Variants in MGA observed in about 807,000 individuals in gnomAD.
The protein encoded by MGA is MAX gene-associated protein.
MGA carries 40 observed loss-of-function variants against 261.1 expected under a neutral mutation model. The ratio of observed to expected loss-of-function variants is 0.15; its 90% CI spans 0.12 to 0.20. The LOEUF is 0.20. Among genes scored for constraint, MGA ranks in the 10% least tolerant of loss-of-function variants. The probability of loss-of-function intolerance (pLI) is 1.00; values close to 1 mark genes in which losing one functional copy is unlikely to be tolerated. For missense variants in MGA, 3,397 were observed against 3,630.5 expected (o/e 0.94, Z 1.65); for synonymous variants, 1,302 against 1,290.6 (o/e 1.01, Z -0.19).
rs1595822501 is a variant in MGA, at chr15:41,710,870, G to C, written c.2605G>C (p.Asp869His). Residue 869 changes from aspartate (D) to histidine (H), a missense_variant, in exon 8 of 24, where the codon GAT becomes CAT. Physicochemically the swap from Asp to His is moderately conservative, Grantham distance 81 (BLOSUM62 -1). Transcript: ENST00000219905. ...GAGTACCAGTTATGTACGAACACTT[G>C]ATAGTGTACTAAAGAAGCAATCTAC... is the stretch of plus-strand genomic sequence containing the variant. 1.9e-6 allele frequency: 3 copies of C among 1,613,810 alleles called. No individual in the cohort carries two copies. The highest frequency in any genetic ancestry group is 2.5e-6 in the Non-Finnish European group (3 of 1,179,740).
At chr15:41,724,255 A>G (rs2061107397) in intron 9 of MGA, among the ~76,000 whole-genome samples, 1 of 152,194 alleles carries the variant, frequency 6.6e-6, no homozygotes, top group African/African-American at 2.4e-5. Context: ...GCAAGCCTCA[A>G]AAGACATACT....
chr15:41,743,781 A>C (rs572652354), intron 15 of MGA, among the ~76,000 whole-genome samples: 22 of 152,338 alleles, frequency 1.4e-4, no homozygotes, highest in Non-Finnish European at 2.6e-4. Flanking sequence ...CTGGACATGA[A>C]CTGATTGAAA....
At chr15:41,758,890 ATAT>A (rs1024477534) in intron 19 of MGA, among the ~76,000 whole-genome samples, 7 of 152,350 alleles carry the variant, frequency 4.6e-5, no homozygotes, top group Admixed American at 3.9e-4. Flanking sequence ...AGGACAGGAA[ATAT>A]TATTCACTTT....
Position 41,736,529 on chromosome 15 carries a change from C to T in MGA, c.4265C>T (p.Ser1422Phe), listed in dbSNP as rs1242451475. 1 of 1,613,976 alleles carries T rather than the reference C, an allele frequency of 6.2e-7. No individual in the cohort carries two copies. The highest frequency in any genetic ancestry group is 8.5e-7 in the Non-Finnish European group (1 of 1,179,888). ...TCAGAGACTCCTGATGGTCCATTGT[C>T]CCCTGGGAAAATGGAGGATATCTCT... Residue 1422 changes from serine to phenylalanine, a missense_variant, in exon 13 of 24, where the codon TCC (serine) becomes TTC (phenylalanine). Ser to Phe is a radical substitution (Grantham distance 155). Around this residue, in one of 9 missense-constraint regions of MGA, gnomAD observed 1,410 missense variants for 1,386.4 expected, o/e 1.02. Coordinates refer to ENST00000219905, the MANE Select transcript of MGA (RefSeq NM_001164273.2).
At chr15:41,723,796 A>T (rs561082135) in intron 9 of MGA, among the ~76,000 whole-genome samples, 1 of 152,260 alleles carries the variant, frequency 6.6e-6, no homozygotes, top group East Asian at 1.9e-4. Flanking sequence ...TCTCAGTCAA[A>T]TCCTTTTATG....
chr15:41,751,989 CATAAA>C (rs900455276), intron 17 of MGA: 4 of 152,146 alleles, frequency 2.6e-5, no homozygotes, highest in African/African-American at 9.7e-5. Flanking sequence ...GCTTTATGCA[CATAAA>C]ATAAGACAAA....
chr15:41,732,336 C>T (rs1221267806), intron 11 of MGA, among the ~76,000 whole-genome samples: 1 of 151,956 alleles, frequency 6.6e-6, no homozygotes, highest in African/African-American at 2.4e-5. Context: ...TTTTAGTAGA[C>T]ACGGGGTTTC....
chr15:41,637,022 A>T (rs8030179), intron 1 of MGA, among the ~76,000 whole-genome samples: 106,732 of 151,914 alleles, frequency 0.7, 39,830 homozygotes, highest in East Asian at 0.89. Context: ...AATGACAATC[A>T]TATCTTGCTC....
At position 41,713,290 on chromosome 15, in the gene MGA, A is replaced by T; in HGVS notation, c.3224A>T (p.Asp1075Val). 3.1e-6 allele frequency: 5 copies of T among 1,613,976 alleles called. No homozygotes were observed. Among genetic ancestry groups the T allele is most frequent in the Non-Finnish European group, 4.2e-6 (5 of 1,179,888 alleles). Residue 1075 changes from aspartate to valine, a missense_variant, in exon 9 of 24, where the codon GAC becomes GTC. Around this residue, in one of 9 missense-constraint regions of MGA, gnomAD observed 519 missense variants for 554.1 expected, o/e 0.94. Transcript: ENST00000219905. ...CAACCTGCTCACTGCCGCCGACCAG[A>T]CTGCATGTTTGGTTGTACTTGTTTG...
chr15:41,754,234 T>C (rs182267594), intron 17 of MGA, among the ~76,000 whole-genome samples: 12 of 152,324 alleles, frequency 7.9e-5, no homozygotes, highest in Admixed American at 3.9e-4. Context: ...ATATGACTTA[T>C]AGTTCTTGAT....
At chr15:41,642,277 C>T (rs1013836409) in intron 1 of MGA, among the ~76,000 whole-genome samples, 8 of 150,680 alleles carry the variant, frequency 5.3e-5, no homozygotes, top group African/African-American at 1.5e-4. Flanking sequence ...AGTCCCTAGC[C>T]CATTTTTAAT....
chr15:41,730,592 A>G (rs183067896), intron 11 of MGA, among the ~76,000 whole-genome samples: 180 of 152,350 alleles, frequency 1.2e-3, no homozygotes, highest in African/African-American at 4.2e-3. Context: ...TTCAATTTCT[A>G]TGAATTATCA....
At chr15:41,684,448 TTAAC>T in intron 2 of MGA, 1 of 427,794 alleles carries the variant, frequency 2.3e-6, no homozygotes. Flanking sequence ...AGAATGAAAC[TTAAC>T]TGTTTGTGAA....
intron 13 of MGA, among the ~76,000 whole-genome samples, chr15:41,737,834 G>T (rs1238278486): frequency 6.6e-6 from 1 of 152,032 alleles, no homozygotes; most frequent in Non-Finnish European, 1.5e-5. Context: ...AAAAAAGTTA[G>T]CCCGGCGTGG....
rs990525797 is a variant in MGA at position 41,637,969 on chromosome 15, T to G, written c.-68+16671T>G. 1.1e-4 allele frequency among the ~76,000 whole-genome samples: 16 copies of G among 144,534 alleles called. No individual in the cohort carries two copies. The East Asian group carries it at 3.4e-3, about 31-fold the overall frequency. The allele number at this position is 144,534 out of a possible 152,430, so 94.8% of individuals were successfully genotyped here. A position where few individuals can be genotyped will look rare whatever the true frequency, so the allele number is the denominator to read the frequency against. On this transcript the variant is annotated intron_variant, in intron 1 of 8. Transcript: ENST00000566718. ...TGGCCAGGCTGGTCTCGAACTCAGG[T>G]GGTCCACCGCCTCGGCCTCCCAAAG...
intron 1 of MGA, among the ~76,000 whole-genome samples, chr15:41,624,817 T>C (rs2056406304): frequency 6.6e-6 from 1 of 152,122 alleles, no homozygotes; most frequent in African/African-American, 2.4e-5. Context: ...AATTACTACT[T>C]TAAAAAACTG....
chr15:41,753,058 T>C (rs1435464784), intron 17 of MGA, among the ~76,000 whole-genome samples: 4 of 152,240 alleles, frequency 2.6e-5, no homozygotes, highest in African/African-American at 9.6e-5. Context: ...AGGGAAGTTG[T>C]AAATAGCTTC....
intron 2 of MGA, among the ~76,000 whole-genome samples, chr15:41,671,334 T>C (rs1404226383): frequency 1.3e-5 from 2 of 152,000 alleles, no homozygotes; most frequent in Non-Finnish European, 2.9e-5. Flanking sequence ...TGTTTGTTTA[T>C]TTTTTTTGAG....
At chr15:41,748,574 T>A in intron 15 of MGA, 63 bp from the exon 16 acceptor site, 1 of 1,497,582 alleles carries the variant, frequency 6.7e-7, no homozygotes, top group Non-Finnish European at 9.0e-7. Context: ...TTATGAATAC[T>A]TTTTTTTCCT....
Sources: gnomAD v4.1 joint callset for allele counts (sites outside exome capture counted in the v4.1 genomes callset) on GRCh38, gnomAD v4.1.1 for gene constraint, gnomAD v4.1.1 regional missense constraint, MANE v1.5 for transcripts, NCBI Gene and HGNC (gene_info 2026-07-23, HGNC 2026-07-21) for gene names.